The following SMG6 variants were observed in gnomAD, a reference collection of about 807,000 sequenced individuals.
The protein encoded by SMG6 is telomerase-binding protein EST1A.
In SMG6, 66 loss-of-function variants were observed where a neutral mutation model predicts 142.2. The observed-to-expected ratio is 0.46, with a 90% CI of 0.38 to 0.57. SMG6 has a LOEUF of 0.57. SMG6 is among the 20% of genes least tolerant of loss of function. The pLI is 0.00. For synonymous variants in SMG6, 779 were observed against 702.4 expected (o/e 1.11, Z -1.72); for missense variants, 1,793 against 1,832.0 (o/e 0.98, Z 0.39).
intron 2 of SMG6, among the ~76,000 whole-genome samples, 189 bp downstream of exon 2, chr17:2,298,717 T>TAA (rs369010341): frequency 3.4e-4 from 43 of 126,370 alleles, no homozygotes; most frequent in Middle Eastern, 4.0e-3. Context: ...GACTCCGTCT[T>TAA]AAAAAAAAAA....
intron 13 of SMG6, among the ~76,000 whole-genome samples, chr17:2,091,989 CTT>C (rs1168356792): frequency 1.1e-4 from 15 of 142,528 alleles, no homozygotes; most frequent in Admixed American, 1.4e-4. Context: ...GCCCCTTTTT[CTT>C]TTTTTTTTTT....
chr17:2,095,288 G>A (rs1215936741), intron 13 of SMG6, among the ~76,000 whole-genome samples: 4 of 152,194 alleles, frequency 2.6e-5, no homozygotes, highest in Non-Finnish European at 5.9e-5. Flanking sequence ...TGAACCTTGG[G>A]CTCTAGTCAC....
At chr17:2,267,660 C>T (rs531259549) in intron 8 of SMG6, among the ~76,000 whole-genome samples, 1 of 151,980 alleles carries the variant, frequency 6.6e-6, no homozygotes, top group Non-Finnish European at 1.5e-5. Context: ...TAGATTAAAT[C>T]AGTGCTTGTG....
intron 10 of SMG6, among the ~76,000 whole-genome samples, chr17:2,234,986 T>C (rs1439046908): frequency 6.6e-6 from 1 of 152,224 alleles, no homozygotes; most frequent in African/African-American, 2.4e-5. Context: ...GGTAGCTCAC[T>C]GAACTCTGTG....
chr17:2,125,735 T>G (rs1194174336), intron 13 of SMG6, among the ~76,000 whole-genome samples: 4 of 152,234 alleles, frequency 2.6e-5, no homozygotes, highest in African/African-American at 9.6e-5. Flanking sequence ...GGCAGATTGC[T>G]TGAGGTCAGG....
At chr17:2,283,009 A>T in intron 7 of SMG6, 150 bp from the exon 8 acceptor site, 2 of 685,468 alleles carry the variant, frequency 2.9e-6, no homozygotes, top group Non-Finnish European at 4.9e-6. Flanking sequence ...TGTCTCTACT[A>T]AAAATACAAA....
At position 2,110,579 on chromosome 17, in the gene SMG6, G is replaced by A. The variant is rs114729965; in HGVS notation, c.3358-24678C>T. ...CAACAATAAAGCACTCTGTGTTGGG[G>A]GGACTGATGGAAAGATCTGGCGGAA... On this transcript the variant is annotated intron_variant, in intron 13 of 18. Transcript: ENST00000263073. Among the ~76,000 whole-genome samples the A allele has an allele frequency of 3.4e-3, 517 of 152,186 alleles. 7 individuals are homozygous for A. Among genetic ancestry groups the A allele is most frequent in the African/African-American group, 0.012 (484 of 41,518 alleles).
intron 10 of SMG6, among the ~76,000 whole-genome samples, chr17:2,221,094 A>ATC (rs1334837236): frequency 7.9e-5 from 12 of 152,226 alleles, no homozygotes; most frequent in Admixed American, 6.5e-4. Context: ...GACTGAACTT[A>ATC]CGCTGTTCTA....
chr17:2,196,522 T>G (rs2072332751), intron 10 of SMG6, among the ~76,000 whole-genome samples: 1 of 152,230 alleles, frequency 6.6e-6, no homozygotes, highest in African/African-American at 2.4e-5. Context: ...GCCAGTTAAT[T>G]GTTTAACGCA....
At chr17:2,120,994 A>G (rs1048523948) in intron 13 of SMG6, among the ~76,000 whole-genome samples, 2 of 152,138 alleles carry the variant, frequency 1.3e-5, no homozygotes, top group African/African-American at 4.8e-5. Flanking sequence ...GGGGGCAAAA[A>G]AGCTCATAAT....
At chr17:2,300,807 A>G (rs2075264390) in intron 1 of SMG6, 143 bp from the exon 2 acceptor site, 1 of 718,780 alleles carries the variant, frequency 1.4e-6, no homozygotes, top group African/African-American at 1.8e-5. Context: ...ACTGGTAGGC[A>G]AAGAAGGACA....
At chr17:2,200,331 T>C (rs975080227) in intron 10 of SMG6, among the ~76,000 whole-genome samples, 2 of 152,168 alleles carry the variant, frequency 1.3e-5, no homozygotes, top group Non-Finnish European at 2.9e-5. Context: ...ATACCTTTTT[T>C]AAAAACGTGA....
chr17:2,118,780 G>T (rs973042455), intron 13 of SMG6, among the ~76,000 whole-genome samples: 2 of 151,966 alleles, frequency 1.3e-5, no homozygotes, highest in Admixed American at 1.3e-4. Flanking sequence ...TAGTCATGGG[G>T]GTCTCACTAT....
intron 8 of SMG6, among the ~76,000 whole-genome samples, chr17:2,269,219 CAAAAAAAAAA>C (rs746635212): frequency 2.4e-5 from 2 of 82,636 alleles, no homozygotes; most frequent in East Asian, 3.6e-4. Flanking sequence ...GACTCCATCT[CAAAAAAAAAA>C]AAAAAAAAAA....
At chr17:2,198,940 A>G in intron 10 of SMG6, among the ~76,000 whole-genome samples, 1 of 144,564 alleles carries the variant, frequency 6.9e-6, no homozygotes, top group South Asian at 2.2e-4. Flanking sequence ...GAAGGAAAAT[A>G]AAATAAAATT....
chr17:2,274,900 C>G (rs574322223), intron 8 of SMG6, among the ~76,000 whole-genome samples: 22 of 151,698 alleles, frequency 1.5e-4, no homozygotes, highest in Non-Finnish European at 2.2e-4. Flanking sequence ...GGTGGGAGGA[C>G]TGCTTGAGCC....
chr17:2,198,394 T>C (rs1241029824), intron 10 of SMG6, among the ~76,000 whole-genome samples: 1 of 152,174 alleles, frequency 6.6e-6, no homozygotes, highest in Non-Finnish European at 1.5e-5. Context: ...GCTTTGAGTG[T>C]TGGGAAAGTT....
intron 4 of SMG6, among the ~76,000 whole-genome samples, chr17:2,293,295 G>A (rs771326734): frequency 1.2e-4 from 19 of 152,270 alleles, no homozygotes; most frequent in South Asian, 4.1e-4. Flanking sequence ...CTGACTCTAC[G>A]GAATAGTGTT....
At chr17:2,256,150 C>T (rs113190769) in intron 8 of SMG6, 4,291 of 153,684 alleles carry the variant, frequency 0.028, 174 homozygotes, top group African/African-American at 0.097. Flanking sequence ...GCCAAATCCC[C>T]CTCTGCGAGA....
Sources: gnomAD v4.1 joint callset for allele counts (sites outside exome capture counted in the v4.1 genomes callset) on GRCh38, gnomAD v4.1.1 for gene constraint, MANE v1.5 for transcripts, NCBI Gene and HGNC (gene_info 2026-07-23, HGNC 2026-07-21) for gene names.